MARCHF1: variants seen among roughly 807,000 people sequenced by gnomAD.
The protein encoded by MARCHF1 is membrane associated ring-CH-type finger 1, also known as E3 ubiquitin-protein ligase MARCHF1.
Under a neutral mutation model 54.2 loss-of-function variants are expected in MARCHF1, and 40 were observed. The observed-to-expected ratio is 0.74, with a 90% confidence interval of 0.57 to 0.96. The LOEUF (loss-of-function observed/expected upper bound fraction) is 0.96, where lower values mean the gene tolerates loss of function less well. Among genes scored for constraint, MARCHF1 ranks in the 40% least tolerant of loss-of-function variants. MARCHF1 has a pLI of 0.00. For missense variants in MARCHF1, 586 were observed against 656.5 expected (o/e 0.89, Z 1.17); for synonymous variants, 236 against 236.3 (o/e 1.00, Z 0.01).
intron 4 of MARCHF1, among the ~76,000 whole-genome samples, chr4:163,852,143 T>C (rs1256936248): frequency 1.3e-5 from 2 of 152,118 alleles, no homozygotes; most frequent in Non-Finnish European, 2.9e-5. Flanking sequence ...TTATGAGGTG[T>C]AGTAGAAAAA....
chr4:163,701,623 T>G (rs1242957487), intron 4 of MARCHF1, among the ~76,000 whole-genome samples: 6 of 152,186 alleles, frequency 3.9e-5, no homozygotes, highest in Non-Finnish European at 8.8e-5. Context: ...CTTTTTCTAC[T>G]CTGCCAATTA....
intron 4 of MARCHF1, among the ~76,000 whole-genome samples, chr4:163,758,416 T>C (rs972296743): frequency 2.6e-5 from 4 of 152,216 alleles, no homozygotes. Context: ...CATTCCACTA[T>C]TGTCAGCTTT....
intron 5 of MARCHF1, among the ~76,000 whole-genome samples, chr4:163,615,276 T>TAA (rs905344931): frequency 3.2e-4 from 48 of 152,218 alleles, no homozygotes; most frequent in African/African-American, 1.0e-3. Flanking sequence ...AAATAGGAAT[T>TAA]ATTTTAAAAG....
At chr4:164,250,802 A>T (rs1733102371) in intron 1 of MARCHF1, among the ~76,000 whole-genome samples, 1 of 152,160 alleles carries the variant, frequency 6.6e-6, no homozygotes, top group Non-Finnish European at 1.5e-5. Context: ...GGAGAAAAAT[A>T]TAATGGAAAA....
At chr4:163,997,938 ACACAC>A (rs1560854611) in intron 2 of MARCHF1, among the ~76,000 whole-genome samples, 27 of 147,880 alleles carry the variant, frequency 1.8e-4, no homozygotes, top group Admixed American at 1.0e-3. Flanking sequence ...ACACACACAC[ACACAC>A]ACACACACAC....
At chr4:163,609,640 T>C (rs1340548257) in intron 7 of MARCHF1, among the ~76,000 whole-genome samples, 1 of 150,572 alleles carries the variant, frequency 6.6e-6, no homozygotes, top group Non-Finnish European at 1.5e-5. Flanking sequence ...TATATATACG[T>C]ATATATATAA....
At chr4:164,216,032 G>C (rs572939240) in intron 1 of MARCHF1, among the ~76,000 whole-genome samples, 3 of 152,240 alleles carry the variant, frequency 2.0e-5, no homozygotes, top group African/African-American at 7.2e-5. Context: ...TAATTCTTGA[G>C]GCCACCTGGC....
At chr4:164,090,536 CTGT>C (rs1755276257) in intron 2 of MARCHF1, among the ~76,000 whole-genome samples, 1 of 151,938 alleles carries the variant, frequency 6.6e-6, no homozygotes, top group African/African-American at 2.4e-5. Context: ...GAAATATCAC[CTGT>C]TATCTTCTGA....
intron 2 of MARCHF1, among the ~76,000 whole-genome samples, chr4:164,043,275 C>A (rs1483464900): frequency 6.6e-6 from 1 of 152,206 alleles, no homozygotes; most frequent in Non-Finnish European, 1.5e-5. Flanking sequence ...GCCTGGACAT[C>A]CAGGCATTTC....
chr4:164,088,115 C>T lies in MARCHF1; in HGVS notation c.-248+23473G>A, dbSNP rs141150654. 8.3e-3 allele frequency among the ~76,000 whole-genome samples: 1,269 copies of T among 152,198 alleles called. 12 individuals carry two copies. Among genetic ancestry groups the T allele is most frequent in the Middle Eastern group, 0.051 (15 of 294 alleles). On this transcript the variant is annotated intron_variant, in intron 2 of 9. Coordinates refer to ENST00000514618, the MANE Select transcript of MARCHF1 (RefSeq NM_001394959.1). ...TAGAGTTAATTTAGACATTTGAAAA[C>T]GACAATATAGTGAAATAACGTTAAA...
rs544379356 is a variant in MARCHF1 at position 164,058,598 on chromosome 4, A to G, written c.-248+52990T>C. On this transcript the variant is annotated intron_variant, in intron 2 of 9. Coordinates refer to ENST00000514618, the MANE Select transcript of MARCHF1 (RefSeq NM_001394959.1). ...AAGCCTATGGGAGAAGCAAATGCCA[A>G]CGACTTGGAGGTGTGGATCACACAT... is the stretch of plus-strand genomic sequence containing the variant. 1.6e-4 allele frequency among the ~76,000 whole-genome samples: 25 copies of G among 152,296 alleles called. No individual in the cohort carries two copies. In the South Asian group the frequency reaches 5.0e-3, roughly 30 times the overall value.
intron 4 of MARCHF1, among the ~76,000 whole-genome samples, chr4:163,718,593 C>T (rs1411598479): frequency 6.6e-6 from 1 of 152,144 alleles, no homozygotes; most frequent in African/African-American, 2.4e-5. Flanking sequence ...TAATAGTAAC[C>T]AAACAGTCAT....
intron 1 of MARCHF1, among the ~76,000 whole-genome samples, chr4:164,284,832 T>G (rs1734105653): frequency 6.6e-6 from 1 of 151,200 alleles, no homozygotes; most frequent in Admixed American, 6.7e-5. Context: ...GCACATATTT[T>G]CGATACAACA....
chr4:164,107,147 C>G (rs1372863562), intron 2 of MARCHF1, among the ~76,000 whole-genome samples: 1 of 152,076 alleles, frequency 6.6e-6, no homozygotes, highest in Admixed American at 6.5e-5. Flanking sequence ...CTCTCCAACA[C>G]GTTTTATTTT....
intron 1 of MARCHF1, among the ~76,000 whole-genome samples, chr4:164,213,756 T>C (rs180929909): frequency 4.6e-5 from 7 of 152,184 alleles, no homozygotes; most frequent in African/African-American, 1.7e-4. Flanking sequence ...TTTTTGTCTA[T>C]TGTATAAATG....
At chr4:163,892,479 C>T (rs1303925543) in intron 3 of MARCHF1, among the ~76,000 whole-genome samples, 1 of 151,804 alleles carries the variant, frequency 6.6e-6, no homozygotes, top group Non-Finnish European at 1.5e-5. Flanking sequence ...TAGAGAGAGA[C>T]AACCTTCTAG....
At chr4:163,977,701 G>A (rs149041293) in intron 3 of MARCHF1, among the ~76,000 whole-genome samples, 73 of 152,286 alleles carry the variant, frequency 4.8e-4, no homozygotes, top group African/African-American at 1.7e-3. Flanking sequence ...TGCAGTTGAA[G>A]AACATTTTAA....
rs979850126 is a variant in MARCHF1 at position 163,984,033 on chromosome 4, G to A, written c.-39+4468C>T. On this transcript the variant is annotated intron_variant, in intron 3 of 9. Transcript: ENST00000514618. The stretch of plus-strand genomic sequence containing the variant: ...TTACTAATAAATAAATCAGTAACTT[G>A]TCCATTATGTTCAAAAGGAAAAATA... 3.5e-4 allele frequency among the ~76,000 whole-genome samples: 53 copies of A among 151,254 alleles called. 1 individual carries two copies. The highest frequency in any genetic ancestry group is 1.2e-3 in the African/African-American group (49 of 41,216).
At chr4:164,214,446 A>T (rs558380617) in intron 1 of MARCHF1, among the ~76,000 whole-genome samples, 1 of 152,272 alleles carries the variant, frequency 6.6e-6, no homozygotes, top group South Asian at 2.1e-4. Context: ...ATATAACTTC[A>T]TTGAATCCCC....
Sources: allele counts gnomAD v4.1 joint callset (sites outside exome capture counted in the v4.1 genomes callset), GRCh38; gene constraint gnomAD v4.1.1; transcripts MANE v1.5; gene names NCBI Gene and HGNC (gene_info 2026-07-23, HGNC 2026-07-21).